TIAM1: variants seen among roughly 807,000 people sequenced by gnomAD.
TIAM1 encodes the protein TIAM Rac1 associated GEF 1.
Under a neutral mutation model 163.5 loss-of-function variants are expected in TIAM1, and 65 were observed. The observed-to-expected ratio is 0.40, with a 90% CI of 0.33 to 0.49. The LOEUF is 0.49. Among genes scored for constraint, TIAM1 ranks in the 20% least tolerant of loss-of-function variants. The pLI, the probability that TIAM1 is intolerant of heterozygous loss-of-function variation, is 0.77. For missense variants in TIAM1, 1,789 were observed against 2,044.7 expected (o/e 0.87, Z 2.41); for synonymous variants, 833 against 810.1 (o/e 1.03, Z -0.48).
chr21:31,210,590 GA>G (rs369277398), intron 10 of TIAM1, among the ~76,000 whole-genome samples: 5 of 105,370 alleles, frequency 4.7e-5, no homozygotes, highest in African/African-American at 2.5e-4. Flanking sequence ...AAGAAAGAAA[GA>G]AAGAGAGAAA....
At chr21:31,175,030 C>T (rs2084696133) in intron 15 of TIAM1, among the ~76,000 whole-genome samples, 1 of 152,200 alleles carries the variant, frequency 6.6e-6, no homozygotes, top group African/African-American at 2.4e-5. Context: ...GCAGCCTCAA[C>T]CTTCTGTGCT....
chr21:31,135,900 T>TC, intron 23 of TIAM1, 33 bp downstream of exon 23: 1 of 1,575,832 alleles, frequency 6.3e-7, no homozygotes. Flanking sequence ...GCTAGACTTT[T>TC]CCCCCTCCAT....
intron 2 of TIAM1, among the ~76,000 whole-genome samples, chr21:31,411,337 G>A (rs1238359870): frequency 6.6e-6 from 1 of 152,168 alleles, no homozygotes; most frequent in Non-Finnish European, 1.5e-5. Flanking sequence ...GCAGAAGTTA[G>A]CAAACTTCTT....
At chr21:31,465,704 GGGACTACA>G (rs1474941084) in intron 1 of TIAM1, among the ~76,000 whole-genome samples, 1 of 152,114 alleles carries the variant, frequency 6.6e-6, no homozygotes, top group Non-Finnish European at 1.5e-5. Flanking sequence ...CGGAGTAGCT[GGGACTACA>G]GGCGCCCGCC....
chr21:31,460,163 T>C (rs931658016), intron 2 of TIAM1, among the ~76,000 whole-genome samples: 23 of 152,108 alleles, frequency 1.5e-4, no homozygotes, highest in African/African-American at 5.3e-4. Flanking sequence ...CCACTGCCCA[T>C]TTTAAGGAGT....
chr21:31,314,891 G>C (rs1401685685), intron 2 of TIAM1, among the ~76,000 whole-genome samples: 2 of 152,160 alleles, frequency 1.3e-5, no homozygotes, highest in Non-Finnish European at 2.9e-5. Flanking sequence ...TTCTGGAATT[G>C]AGTGTAAAAA....
At chr21:31,487,885 T>C (rs983095182) in intron 1 of TIAM1, among the ~76,000 whole-genome samples, 1 of 148,906 alleles carries the variant, frequency 6.7e-6, no homozygotes, top group African/African-American at 2.5e-5. Context: ...GGAGATGAGG[T>C]TTCGCCATGT....
chr21:31,555,692 C>A (rs927739917), intron 1 of TIAM1, among the ~76,000 whole-genome samples: 1 of 152,206 alleles, frequency 6.6e-6, no homozygotes, highest in African/African-American at 2.4e-5. Context: ...CATGCTCTCA[C>A]CTGCCTTCCT....
chr21:31,225,172 AT>A (rs573349478), intron 7 of TIAM1, among the ~76,000 whole-genome samples: 1 of 151,484 alleles, frequency 6.6e-6, no homozygotes. Flanking sequence ...TAATTTTTGT[AT>A]TTTTTTTGTA....
At chr21:31,326,267 A>G (rs980724416) in intron 2 of TIAM1, among the ~76,000 whole-genome samples, 1 of 152,136 alleles carries the variant, frequency 6.6e-6, no homozygotes, top group Admixed American at 6.6e-5. Flanking sequence ...CTGTCCTCTG[A>G]TCAAAGTTAT....
At chr21:31,264,901 C>A (rs761898689) in intron 4 of TIAM1, among the ~76,000 whole-genome samples, 2 of 152,222 alleles carry the variant, frequency 1.3e-5, no homozygotes, top group African/African-American at 2.4e-5. Flanking sequence ...GCACCATCTA[C>A]AAACCACCTC....
intron 1 of TIAM1, among the ~76,000 whole-genome samples, chr21:31,483,645 C>T (rs533761041): frequency 5.3e-5 from 8 of 151,986 alleles, no homozygotes; most frequent in Non-Finnish European, 1.2e-4. Context: ...AAGATACCTA[C>T]AAAATCAAGA....
intron 2 of TIAM1, among the ~76,000 whole-genome samples, chr21:31,291,766 G>A (rs1318817901): frequency 6.6e-6 from 1 of 152,176 alleles, no homozygotes; most frequent in African/African-American, 2.4e-5. Context: ...CAGGTGATCT[G>A]CCCGCCTTGG....
intron 2 of TIAM1, among the ~76,000 whole-genome samples, chr21:31,412,593 C>T (rs563456837): frequency 6.6e-6 from 1 of 151,904 alleles, no homozygotes; most frequent in African/African-American, 2.4e-5. Context: ...ACCAACCTGG[C>T]CAACATGGTG....
chr21:31,128,965 A>G (rs574159888), intron 25 of TIAM1, among the ~76,000 whole-genome samples: 1 of 84,848 alleles, frequency 1.2e-5, no homozygotes, highest in African/African-American at 7.8e-5. Flanking sequence ...GACAAGTGGA[A>G]ACAAGGAGGC....
chr21:31,385,955 A>G (rs2076864101), intron 2 of TIAM1, among the ~76,000 whole-genome samples: 1 of 147,714 alleles, frequency 6.8e-6, no homozygotes, highest in Admixed American at 6.8e-5. Flanking sequence ...TACTGGTATT[A>G]ATATATTATA....
chr21:31,201,721 CCT>C (rs1335787675), intron 12 of TIAM1, among the ~76,000 whole-genome samples: 1 of 152,124 alleles, frequency 6.6e-6, no homozygotes, highest in Non-Finnish European at 1.5e-5. Flanking sequence ...GTGGTGAAAC[CCT>C]CTCTGAAGTC....
Position 31,538,163 on chromosome 21 carries a change from T to C in TIAM1, c.-422+20764A>G, listed in dbSNP as rs192839709. Among the ~76,000 whole-genome samples, 8 of 152,358 alleles carry C rather than the reference T, an allele frequency of 5.3e-5. No individual in the cohort carries two copies. The East Asian group carries it at 1.5e-3, about 29-fold the overall frequency. On this transcript the variant is annotated intron_variant, in intron 1 of 28. Coordinates refer to the TIAM1 transcript ENST00000286827. ...TGCTGGTTACATGGTTTTATCCCAT[T>C]TGTAAGAATTCATCAAGCTGTACAA...
chr21:31,500,263 C>T (rs1296286120), intron 1 of TIAM1, among the ~76,000 whole-genome samples: 1 of 152,196 alleles, frequency 6.6e-6, no homozygotes, highest in Non-Finnish European at 1.5e-5. Context: ...AAGCTGGATT[C>T]GGGCCCAGCT....
Sources: allele counts gnomAD v4.1 joint callset (sites outside exome capture counted in the v4.1 genomes callset), GRCh38; gene constraint gnomAD v4.1.1; transcripts MANE v1.5; gene names NCBI Gene and HGNC (gene_info 2026-07-23, HGNC 2026-07-21).